Variants in CACNA1E observed in about 807,000 individuals in gnomAD.
The protein encoded by CACNA1E is calcium voltage-gated channel subunit alpha1 E.
A neutral mutation model predicts 259.2 loss-of-function variants in CACNA1E; 40 were observed. The observed-to-expected ratio is 0.15, with a 90% CI of 0.12 to 0.20. The LOEUF is 0.20. CACNA1E is among the 10% of genes least tolerant of loss of function. CACNA1E has a pLI of 1.00. For synonymous variants in CACNA1E, 1,104 were observed against 1,138.5 expected (o/e 0.97, Z 0.61); for missense variants, 1,874 against 3,040.1 (o/e 0.62, Z 9.02).
chr1:181,385,193 AC>A (rs1655752215), intron 1 of CACNA1E, among the ~76,000 whole-genome samples: 1 of 152,128 alleles, frequency 6.6e-6, no homozygotes, highest in Non-Finnish European at 1.5e-5. Flanking sequence ...CTAGACTCTT[AC>A]CTCCTACACT....
At chr1:181,324,311 G>C (rs1650602907) in intron 1 of CACNA1E, among the ~76,000 whole-genome samples, 2 of 152,214 alleles carry the variant, frequency 1.3e-5, no homozygotes, top group Non-Finnish European at 2.9e-5. Flanking sequence ...GGGTGATGTG[G>C]CAGTAACAGG....
rs547686513 is a variant in CACNA1E, at chr1:181,800,674, G to C, written c.*1840G>C. The C allele has an allele frequency of 6.5e-6, 1 of 152,778 alleles. No individual in the cohort carries two copies. The highest frequency in any genetic ancestry group is 2.1e-4 in the South Asian group (1 of 4,810). 9.5% of individuals were successfully genotyped at this position (152,778 alleles called of 1,614,324 possible). On this transcript the variant is annotated 3_prime_UTR_variant, in exon 48 of 48. Transcript: ENST00000367573. ...CCAGCCCAGACACACTCCTCCTCTTGGGCAGGAGCAATCCAGAGTTGTTAT... is the reference window on the plus strand; with the variant it reads ...CCAGCCCAGACACACTCCTCCTCTTCGGCAGGAGCAATCCAGAGTTGTTAT...
intron 7 of CACNA1E, among the ~76,000 whole-genome samples, chr1:181,700,838 G>A (rs552201143): frequency 5.3e-5 from 8 of 152,176 alleles, no homozygotes; most frequent in African/African-American, 1.7e-4. Context: ...CGTTTGGTGC[G>A]TTAGCCCACG....
upstream of CACNA1E, among the ~76,000 whole-genome samples, chr1:181,481,732 C>T (rs978360497): frequency 6.6e-6 from 1 of 152,158 alleles, no homozygotes; most frequent in South Asian, 2.1e-4. Context: ...GTTCAAACCA[C>T]CAGTCACCTG....
rs945310672 is a variant in CACNA1E, at chr1:181,790,547, G to C, written c.5889G>C (p.Arg1963=). ...CCGATGACGGACAGTTCCAAGAACGGCAGTCTCTGGTGAATGCATGAGTTA... is the reference window on the plus strand; with the variant it reads ...CCGATGACGGACAGTTCCAAGAACGCCAGTCTCTGGTGAATGCATGAGTTA... ...DPADDGQFQE[R]QSLEPEVSEL... Residue 1963 remains arginine, a synonymous_variant, in exon 44 of 48, where the codon CGG becomes CGC. Coordinates refer to ENST00000367573, the MANE Select transcript of CACNA1E (RefSeq NM_001205293.3). The C allele has an allele frequency of 1.3e-6, 2 of 1,594,110 alleles. No homozygotes were observed. Among genetic ancestry groups the C allele is most frequent in the South Asian group, 1.1e-5 (1 of 90,784 alleles).
At chr1:181,475,096 G>C (rs1050841483) in intron 2 of CACNA1E, among the ~76,000 whole-genome samples, 4 of 152,092 alleles carry the variant, frequency 2.6e-5, no homozygotes, top group African/African-American at 9.7e-5. Flanking sequence ...CCTCAGACAG[G>C]GCCCAGATAC....
chr1:181,411,638 C>T (rs987806409), intron 1 of CACNA1E, among the ~76,000 whole-genome samples: 3 of 151,986 alleles, frequency 2.0e-5, no homozygotes, highest in African/African-American at 7.3e-5. Context: ...GGGATGGAGT[C>T]TTGTTCTGTC....
intron 38 of CACNA1E, among the ~76,000 whole-genome samples, chr1:181,777,483 G>A (rs1660063648): frequency 6.6e-6 from 1 of 152,166 alleles, no homozygotes; most frequent in Non-Finnish European, 1.5e-5. Flanking sequence ...ATGACTTAGG[G>A]TACAGAGTTA....
chr1:181,484,701 C>T (rs749648748), intron 1 of CACNA1E, among the ~76,000 whole-genome samples: 1 of 152,224 alleles, frequency 6.6e-6, no homozygotes, highest in Non-Finnish European at 1.5e-5. Flanking sequence ...AAGAGCAGCT[C>T]ATCAGGCCCA....
intron 2 of CACNA1E, among the ~76,000 whole-genome samples, chr1:181,474,262 C>A (rs1287843854): frequency 6.6e-6 from 1 of 152,078 alleles, no homozygotes; most frequent in Non-Finnish European, 1.5e-5. Flanking sequence ...AAATACAAGC[C>A]TTTAAAGGAA....
intron 7 of CACNA1E, among the ~76,000 whole-genome samples, chr1:181,673,382 G>C (rs1649014246): frequency 6.6e-6 from 1 of 152,202 alleles, no homozygotes; most frequent in Admixed American, 6.5e-5. Flanking sequence ...AGTGGGCACT[G>C]TCACATACCT....
chr1:181,493,890 AG>A (rs1264838396), intron 1 of CACNA1E, among the ~76,000 whole-genome samples: 1 of 152,204 alleles, frequency 6.6e-6, no homozygotes, highest in Non-Finnish European at 1.5e-5. Context: ...CTTGGTATGC[AG>A]GGCTTCTCAT....
At chr1:181,770,263 A>AGG (rs1241623488) in intron 35 of CACNA1E, among the ~76,000 whole-genome samples, 4 of 152,204 alleles carry the variant, frequency 2.6e-5, no homozygotes, top group Non-Finnish European at 5.9e-5. Flanking sequence ...GATTGTCTCA[A>AGG]CATTGACTTG....
At chr1:181,371,764 G>A (rs1407624657) in intron 1 of CACNA1E, among the ~76,000 whole-genome samples, 5 of 152,074 alleles carry the variant, frequency 3.3e-5, no homozygotes, top group African/African-American at 1.2e-4. Context: ...ATTTTTCTAT[G>A]TAGTGAAAGG....
chr1:181,626,449 A>G (rs888135382), intron 6 of CACNA1E, among the ~76,000 whole-genome samples: 2 of 152,216 alleles, frequency 1.3e-5, no homozygotes, highest in African/African-American at 4.8e-5. Flanking sequence ...TGTGCCTTTC[A>G]TGGACTTTTG....
At chr1:181,486,864 G>T (rs147150848) in intron 1 of CACNA1E, among the ~76,000 whole-genome samples, 1 of 152,276 alleles carries the variant, frequency 6.6e-6, no homozygotes, top group African/African-American at 2.4e-5. Flanking sequence ...AGAGAGCAAG[G>T]AGCTGCATCC....
chr1:181,346,016 G>A (rs535851075), intron 1 of CACNA1E, among the ~76,000 whole-genome samples: 4 of 152,338 alleles, frequency 2.6e-5, no homozygotes, highest in East Asian at 1.9e-4. Context: ...ATGGCCAACC[G>A]GACGTGCAAG....
In CACNA1E at chr1:181,807,897, A is replaced by C. The variant is rs913165661; in HGVS notation, c.*9063A>C. The C allele has an allele frequency of 2.6e-5, 4 of 152,136 alleles. No individual in the cohort carries two copies. Among genetic ancestry groups the C allele is most frequent in the Non-Finnish European group, 5.9e-5 (4 of 68,030 alleles). The allele number at this position is 152,136 out of a possible 1,614,324, so 9.4% of individuals were successfully genotyped here. A position where few individuals can be genotyped will look rare whatever the true frequency, so the allele number is the denominator to read the frequency against. On this transcript the variant is annotated 3_prime_UTR_variant, in exon 48 of 48. Transcript: ENST00000367573. The stretch of plus-strand genomic sequence containing the variant: ...GGCTTCTATCACCATTGGAGTTAGA[A>C]TCTGACAACCTTTAACTTCACACTT...
At chr1:181,488,402 C>T (rs140263968) in intron 1 of CACNA1E, among the ~76,000 whole-genome samples, 11 of 152,154 alleles carry the variant, frequency 7.2e-5, no homozygotes, top group Non-Finnish European at 1.6e-4. Context: ...TGTACCTGTG[C>T]GTGGATGCAG....
Sources: gnomAD v4.1 joint callset for allele counts (sites outside exome capture counted in the v4.1 genomes callset) on GRCh38, gnomAD v4.1.1 for gene constraint, MANE v1.5 for transcripts, NCBI Gene and HGNC (gene_info 2026-07-23, HGNC 2026-07-21) for gene names.